SLC2A9: variants seen among roughly 807,000 people sequenced by gnomAD.
SLC2A9 encodes solute carrier family 2 member 9.
Under a neutral mutation model 50.6 loss-of-function variants are expected in SLC2A9, and 39 were observed. That is an observed-to-expected ratio of 0.77 (90% CI 0.60 to 1.01). SLC2A9 has a LOEUF of 1.01. Among genes scored for constraint, SLC2A9 ranks in the 50% least tolerant of loss-of-function variants. The pLI is 0.00. For synonymous variants in SLC2A9, 324 were observed against 276.9 expected, an observed-to-expected ratio of 1.17 and a Z score of -1.69; for missense variants, 686 against 677.6, an observed-to-expected ratio of 1.01 and a Z score of -0.14.
At chr4:9,891,766 A>G (rs1577729272) in intron 8 of SLC2A9, among the ~76,000 whole-genome samples, 1 of 152,196 alleles carries the variant, frequency 6.6e-6, no homozygotes, top group East Asian at 1.9e-4. Context: ...AGGAGGCAGG[A>G]GCAGACAGAG....
At position 9,988,398 on chromosome 4, in the gene SLC2A9, A is replaced by G. The variant is rs552457319; in HGVS notation, c.411-2605T>C. 3.9e-5 allele frequency among the ~76,000 whole-genome samples: 6 copies of G among 152,330 alleles called. No homozygotes were observed. In the East Asian group the frequency reaches 1.2e-3, roughly 29 times the overall value. Reference sequence around the variant, plus strand: ...TTTGTGAGAATGTTAAAATTATATGAAAGTCTGACTTGAAACATGTGCAAA... The same window carrying G: ...TTTGTGAGAATGTTAAAATTATATGGAAGTCTGACTTGAAACATGTGCAAA... On this transcript the variant is annotated intron_variant, in intron 3 of 11. Coordinates refer to ENST00000264784, the MANE Select transcript of SLC2A9 (RefSeq NM_020041.3).
chr4:9,941,286 C>A (rs562581126), intron 6 of SLC2A9, among the ~76,000 whole-genome samples: 66 of 152,306 alleles, frequency 4.3e-4, no homozygotes, highest in African/African-American at 1.6e-3. Context: ...CTCAGCATCC[C>A]CCCATTTAGG....
rs373604491 is a variant in SLC2A9 at position 9,941,905 on chromosome 4, G to T, written c.814+8C>A. ...CTGGAGCTGTGCAGGAAAGGGAAGGGCCCTCACCTTTCACAGCTCTTGCCT... is the reference window on the plus strand; with the variant it reads ...CTGGAGCTGTGCAGGAAAGGGAAGGTCCCTCACCTTTCACAGCTCTTGCCT... On this transcript the variant is annotated splice_region_variant and intron_variant, in intron 6 of 11. Coordinates refer to ENST00000264784, the MANE Select transcript of SLC2A9 (RefSeq NM_020041.3). The T allele has an allele frequency of 1.9e-6, 3 of 1,613,958 alleles. No individual in the cohort carries two copies. Among genetic ancestry groups the T allele is most frequent in the Non-Finnish European group, 2.5e-6 (3 of 1,179,904 alleles).
downstream of SLC2A9, among the ~76,000 whole-genome samples, chr4:9,778,308 C>T (rs1356180180): frequency 3.9e-5 from 6 of 152,002 alleles, no homozygotes; most frequent in East Asian, 1.9e-4. Flanking sequence ...TTAGTAGAGA[C>T]GGGGTTTCAC....
intron 3 of SLC2A9, among the ~76,000 whole-genome samples, chr4:9,992,507 T>C (rs1349126366): frequency 1.3e-5 from 2 of 152,194 alleles, no homozygotes; most frequent in Non-Finnish European, 2.9e-5. Context: ...TGAGGCAACA[T>C]TGCCCTCTGG....
In SLC2A9 at chr4:9,842,101, G is replaced by C. The variant is rs567850855; in HGVS notation, c.1292-7093C>G. Among the ~76,000 whole-genome samples the C allele has an allele frequency of 2.0e-5, 3 of 152,090 alleles. No individual in the cohort carries two copies. The South Asian group carries it at 6.2e-4, about 32-fold the overall frequency. On this transcript the variant is annotated intron_variant, in intron 10 of 11. Coordinates refer to ENST00000264784, the MANE Select transcript of SLC2A9 (RefSeq NM_020041.3). Reference sequence around the variant, plus strand: ...ACTGCTGGCCATTTTTTTTCAATCTGTGTAAAGGTTTGCTTTGTTGGTATT... The same window carrying C: ...ACTGCTGGCCATTTTTTTTCAATCTCTGTAAAGGTTTGCTTTGTTGGTATT...
intron 6 of SLC2A9, among the ~76,000 whole-genome samples, chr4:9,922,228 G>A (rs116712303): frequency 0.014 from 2,098 of 151,888 alleles, 22 homozygotes; most frequent in Middle Eastern, 0.054. Context: ...ACAGAAAACC[G>A]AACACCACAT....
intron 8 of SLC2A9, among the ~76,000 whole-genome samples, chr4:9,896,455 G>C (rs1738575093): frequency 6.6e-6 from 1 of 152,062 alleles, no homozygotes; most frequent in Non-Finnish European, 1.5e-5. Flanking sequence ...GTGGGCAGTT[G>C]GTCTTATTTT....
In SLC2A9 at chr4:9,957,657, C is replaced by G. The variant is rs187799752; in HGVS notation, c.682-15612G>C. Among the ~76,000 whole-genome samples the G allele has an allele frequency of 2.0e-5, 3 of 152,086 alleles. No homozygotes were observed. The East Asian group carries it at 5.8e-4, about 29-fold the overall frequency. The stretch of plus-strand genomic sequence containing the variant: ...GGACTCCATGTAAAATGAACGGGGA[C>G]AGGGGGAAAGCCCTTAGAAATTAAA... On this transcript the variant is annotated intron_variant, in intron 5 of 11. Transcript: ENST00000264784.
intron 10 of SLC2A9, among the ~76,000 whole-genome samples, chr4:9,882,060 T>C (rs1735304812): frequency 6.6e-6 from 1 of 152,208 alleles, no homozygotes; most frequent in African/African-American, 2.4e-5. Flanking sequence ...ACCTCTGCAT[T>C]GAGATAATAC....
chr4:9,786,659 C>T (rs1719258101), intron 3 of SLC2A9, among the ~76,000 whole-genome samples: 1 of 152,106 alleles, frequency 6.6e-6, no homozygotes, highest in Non-Finnish European at 1.5e-5. Context: ...ATTATTTTTC[C>T]ATTTTACAGA....
intron 10 of SLC2A9, among the ~76,000 whole-genome samples, chr4:9,866,401 C>A (rs551491446): frequency 4.6e-5 from 7 of 152,094 alleles, no homozygotes; most frequent in Admixed American, 2.0e-4. Flanking sequence ...ACCCGCCAAG[C>A]GTTTCCCATT....
chr4:9,973,515 G>A (rs1227266021), intron 5 of SLC2A9, among the ~76,000 whole-genome samples: 2 of 152,036 alleles, frequency 1.3e-5, no homozygotes, highest in Non-Finnish European at 2.9e-5. Context: ...TATACACCAT[G>A]GAATACTATG....
At chr4:9,929,854 T>C (rs2110156204) in intron 6 of SLC2A9, among the ~76,000 whole-genome samples, 1 of 152,088 alleles carries the variant, frequency 6.6e-6, no homozygotes, top group African/African-American at 2.4e-5. Flanking sequence ...AGGCCAGAAG[T>C]TCGAGACCAG....
chr4:9,814,631 T>G (rs760210247), intron 3 of SLC2A9, among the ~76,000 whole-genome samples: 2 of 152,178 alleles, frequency 1.3e-5, no homozygotes, highest in Non-Finnish European at 2.9e-5. Flanking sequence ...GTCACTTGGA[T>G]CTGAGCTTAG....
At chr4:9,847,410 A>G (rs1033673853) in intron 10 of SLC2A9, among the ~76,000 whole-genome samples, 6 of 152,182 alleles carry the variant, frequency 3.9e-5, no homozygotes, top group East Asian at 3.9e-4. Context: ...CCGTGATCCA[A>G]TCACCTCCAA....
Position 9,931,913 on chromosome 4 carries a change from A to ACT in SLC2A9, c.814+9998_814+9999dup, listed in dbSNP as rs1163786274. Among the ~76,000 whole-genome samples, 98 of 15,664 alleles carry ACT rather than the reference A, an allele frequency of 6.3e-3. 4 individuals carry two copies. The highest frequency in any genetic ancestry group is 9.2e-3 in the Non-Finnish European group (83 of 9,040). 10.3% of individuals were successfully genotyped at this position (15,664 alleles called of 152,430 possible). On this transcript the variant is annotated intron_variant, in intron 6 of 11. Transcript: ENST00000264784. ...TGCAGGGAGACCTGAAATGAGAATG[A>ACT]CTCTCTCTCTCTCTCTCTCTCTCTC...
At chr4:9,836,802 G>A (rs774933164) in intron 10 of SLC2A9, among the ~76,000 whole-genome samples, 51 of 152,226 alleles carry the variant, frequency 3.4e-4, no homozygotes, top group Non-Finnish European at 5.1e-4. Context: ...GGCAGTCCAG[G>A]GAGGAGGCAA....
intron 7 of SLC2A9, among the ~76,000 whole-genome samples, chr4:9,909,894 G>T (rs1741383962): frequency 6.6e-6 from 1 of 152,206 alleles, no homozygotes; most frequent in African/African-American, 2.4e-5. Flanking sequence ...AACCTGTCAG[G>T]TCCAACGTTA....
Sources: allele counts gnomAD v4.1 joint callset (sites outside exome capture counted in the v4.1 genomes callset), GRCh38; gene constraint gnomAD v4.1.1; transcripts MANE v1.5; gene names NCBI Gene and HGNC (gene_info 2026-07-23, HGNC 2026-07-21).